DNAJC6: variants seen among roughly 807,000 people sequenced by gnomAD.
DNAJC6 encodes auxilin.
Under a neutral mutation model 110.0 loss-of-function variants are expected in DNAJC6, and 34 were observed. The ratio of observed to expected loss-of-function variants is 0.31; its 90% CI spans 0.24 to 0.41. DNAJC6 has a LOEUF of 0.41. Ranked by LOEUF, DNAJC6 falls within the 10% of genes least tolerant of loss-of-function variation. DNAJC6 has a pLI of 1.00. For synonymous variants in DNAJC6, 406 were observed against 437.2 expected (o/e 0.93, Z 0.89); for missense variants, 1,031 against 1,207.8 (o/e 0.85, Z 2.17).
intron 8 of DNAJC6, among the ~76,000 whole-genome samples, chr1:65,387,278 G>A (rs559521721): frequency 3.3e-5 from 5 of 152,274 alleles, no homozygotes; most frequent in African/African-American, 1.2e-4. Flanking sequence ...TTAAGGGATT[G>A]TATTTTTTCA....
intron 1 of DNAJC6, among the ~76,000 whole-genome samples, chr1:65,328,238 T>C (rs779581028): frequency 1.3e-5 from 2 of 152,208 alleles, no homozygotes; most frequent in Non-Finnish European, 2.9e-5. Flanking sequence ...AATTAACAAA[T>C]TTTAAATGTG....
chr1:65,279,239 C>T (rs950514612), intron 1 of DNAJC6: 29 of 842,474 alleles, frequency 3.4e-5, no homozygotes, highest in Non-Finnish European at 4.1e-5. Context: ...AGAGATTGAA[C>T]CCAGCTGTGA....
intron 1 of DNAJC6, among the ~76,000 whole-genome samples, chr1:65,268,386 G>T: frequency 6.6e-6 from 1 of 152,182 alleles, no homozygotes; most frequent in African/African-American, 2.4e-5. Flanking sequence ...AAAGAAAATA[G>T]TTGAGTGAGT....
At chr1:65,295,881 GTAATA>G (rs1278723998) in intron 1 of DNAJC6, among the ~76,000 whole-genome samples, 23 of 152,278 alleles carry the variant, frequency 1.5e-4, no homozygotes, top group African/African-American at 4.1e-4. Flanking sequence ...TGGCCCCATG[GTAATA>G]CTCAGTAAAT....
chr1:65,365,810 G>T (rs1034264101), intron 2 of DNAJC6, 75 bp from the exon 3 acceptor site: 8 of 1,521,534 alleles, frequency 5.3e-6, no homozygotes, highest in East Asian at 2.3e-5. Flanking sequence ...GTTCATATGC[G>T]CAAGTGATTG....
At chr1:65,394,280 T>C (rs1405789514) in intron 12 of DNAJC6, among the ~76,000 whole-genome samples, 1 of 152,118 alleles carries the variant, frequency 6.6e-6, no homozygotes, top group African/African-American at 2.4e-5. Flanking sequence ...GATTGACCTG[T>C]CTGAGGATAC....
intron 15 of DNAJC6, among the ~76,000 whole-genome samples, chr1:65,403,891 G>A (rs1008240807): frequency 6.6e-6 from 1 of 152,152 alleles, no homozygotes; most frequent in Non-Finnish European, 1.5e-5. Flanking sequence ...CTGCAGCCTG[G>A]CATCTAGAGG....
chr1:65,367,419 C>T (rs1176380026), intron 4 of DNAJC6, among the ~76,000 whole-genome samples: 1 of 152,152 alleles, frequency 6.6e-6, no homozygotes, highest in Non-Finnish European at 1.5e-5. Flanking sequence ...CTTATTCCAT[C>T]TATTAGCTAA....
intron 1 of DNAJC6, among the ~76,000 whole-genome samples, chr1:65,278,024 GAAAAAAGTATTTTTT>G (rs1653728943): frequency 6.6e-6 from 1 of 152,074 alleles, no homozygotes; most frequent in Non-Finnish European, 1.5e-5. Context: ...CAGAAAAGAA[GAAAAAAGTATTTTTT>G]AAAAAAGTAA....
At chr1:65,403,522 A>G (rs759768453) in intron 15 of DNAJC6, among the ~76,000 whole-genome samples, 2 of 152,242 alleles carry the variant, frequency 1.3e-5, no homozygotes, top group African/African-American at 2.4e-5. Flanking sequence ...ATCAAAGCTG[A>G]TGATATTCCT....
chr1:65,361,806 A>G (rs1557541640), intron 1 of DNAJC6, among the ~76,000 whole-genome samples: 1 of 152,106 alleles, frequency 6.6e-6, no homozygotes, highest in Non-Finnish European at 1.5e-5. Context: ...TAATCTAGAG[A>G]GAGTCTTATG....
intron 1 of DNAJC6, among the ~76,000 whole-genome samples, chr1:65,304,008 C>A (rs1285484704): frequency 6.6e-6 from 1 of 152,166 alleles, no homozygotes; most frequent in African/African-American, 2.4e-5. Flanking sequence ...AGGTTTGAAT[C>A]CTAACTGATT....
intron 2 of DNAJC6, among the ~76,000 whole-genome samples, chr1:65,365,524 C>G (rs1645637496): frequency 6.6e-6 from 1 of 152,152 alleles, no homozygotes; most frequent in Non-Finnish European, 1.5e-5. Context: ...TTCTCAACCA[C>G]TTCTTCCCCT....
intron 14 of DNAJC6, among the ~76,000 whole-genome samples, chr1:65,401,163 T>G (rs1646026819): frequency 6.6e-6 from 1 of 152,204 alleles, no homozygotes; most frequent in African/African-American, 2.4e-5. Context: ...AATTCCATAG[T>G]TTTGGGTCTT....
intron 1 of DNAJC6, among the ~76,000 whole-genome samples, chr1:65,287,962 G>A (rs992621447): frequency 5.3e-5 from 8 of 152,162 alleles, no homozygotes; most frequent in Admixed American, 2.0e-4. Context: ...AACACTGGGG[G>A]TCTTAGCACT....
chr1:65,379,232 G>T (rs1329261034), intron 4 of DNAJC6, among the ~76,000 whole-genome samples, 170 bp from the exon 5 acceptor site: 1 of 152,116 alleles, frequency 6.6e-6, no homozygotes, highest in African/African-American at 2.4e-5. Context: ...TTAAAAAATT[G>T]CTGTGTTAAA....
At chr1:65,270,854 T>G (rs977053898) in intron 1 of DNAJC6, among the ~76,000 whole-genome samples, 1 of 151,984 alleles carries the variant, frequency 6.6e-6, no homozygotes, top group African/African-American at 2.4e-5. Context: ...AATTTTTGTA[T>G]TTTTAGTAGA....
At chr1:65,300,689 C>T (rs1053889886) in intron 1 of DNAJC6, among the ~76,000 whole-genome samples, 8 of 152,144 alleles carry the variant, frequency 5.3e-5, no homozygotes, top group Admixed American at 2.6e-4. Flanking sequence ...CTTTCACATT[C>T]GAATGGATAA....
intron 1 of DNAJC6, among the ~76,000 whole-genome samples, chr1:65,300,371 C>G (rs554229311): frequency 1.2e-4 from 18 of 152,112 alleles, no homozygotes; most frequent in African/African-American, 4.8e-5. Context: ...AAGGACATAC[C>G]ACCTACCCTC....
Sources: allele counts gnomAD v4.1 joint callset (sites outside exome capture counted in the v4.1 genomes callset), GRCh38; gene constraint gnomAD v4.1.1; transcripts MANE v1.5; gene names NCBI Gene and HGNC (gene_info 2026-07-23, HGNC 2026-07-21).